The following PEG3 variants were observed in gnomAD, a reference collection of about 807,000 sequenced individuals.
PEG3 encodes paternally-expressed gene 3 protein.
In PEG3, 23 loss-of-function variants were observed where a neutral mutation model predicts 35.5. That is an observed-to-expected ratio of 0.65 (90% confidence interval 0.47 to 0.92). PEG3 has a LOEUF of 0.92. Among genes scored for constraint, PEG3 ranks in the 40% least tolerant of loss-of-function variants. PEG3 has a pLI of 0.00. For synonymous variants in PEG3, 707 were observed against 697.0 expected, an observed-to-expected ratio of 1.01 and a Z score of -0.23; for missense variants, 1,960 against 1,985.3, an observed-to-expected ratio of 0.99 and a Z score of 0.24.
chr19:56,821,297 G>A (rs981184351), intron 7 of PEG3, among the ~76,000 whole-genome samples: 1 of 152,220 alleles, frequency 6.6e-6, no homozygotes, highest in Non-Finnish European at 1.5e-5. Flanking sequence ...TCCCTGGCCA[G>A]TCTACTCTGC....
rs1358248416 is a variant in PEG3, at chr19:56,817,186, C to T, written c.1256G>A (p.Gly419Asp). The change falls in exon 10 of 10, where the codon GGT (glycine) becomes GAT (aspartate). Residue 419 changes from glycine (G) to aspartate (D), a missense_variant. Gly to Asp is a moderately conservative substitution (Grantham distance 94). This residue lies in a region of PEG3 where 613 missense variants were observed against 577.1 expected (regional missense o/e 1.06). Transcript: ENST00000326441. ...GCTCATGGCTTTTCTCATCTCACTA[C>T]CACATTCAAAGGGCTTCTTCCTGGG... is the stretch of plus-strand genomic sequence containing the variant. ...GCPRKKPFEC[G>D]SEMRKAMSVS... 3.7e-6 allele frequency: 6 copies of T among 1,614,116 alleles called. No homozygotes were observed. Among genetic ancestry groups the T allele is most frequent in the Non-Finnish European group, 5.1e-6 (6 of 1,180,060 alleles).
rs35563894 is a variant in PEG3, at chr19:56,813,201, C to CA, written c.*473dup. The CA allele has an allele frequency of 0.024, 20,378 of 834,092 alleles. 63 individuals carry two copies. The highest frequency in any genetic ancestry group is 0.057 in the African/African-American group (3,034 of 53,308). The allele number at this position is 834,092 out of a possible 1,614,324, so 51.7% of individuals were successfully genotyped here. A position where few individuals can be genotyped will look rare whatever the true frequency, so the allele number is the denominator to read the frequency against. The stretch of plus-strand genomic sequence containing the variant: ...CAAATTTGTTGCTCTCTTCCTCCTC[C>CA]AAAAAAAAAAAAAATTCAAAGAATA... On this transcript the variant is annotated 3_prime_UTR_variant, in exon 10 of 10. Transcript: ENST00000326441.
At chr19:56,824,177 G>T in intron 4 of PEG3, 85 bp downstream of exon 4, 1 of 1,550,780 alleles carries the variant, frequency 6.4e-7, no homozygotes, top group South Asian at 1.2e-5. Flanking sequence ...ATCCAGTCCA[G>T]ACCATGTCAG....
At position 56,814,404 on chromosome 19, in the gene PEG3, G is replaced by A. The variant is rs779210073; in HGVS notation, c.4038C>T (p.Val1346=). ...GATGAAGCTCCTTATGTTTAGTGAG[G>A]ACTGTGCTATGAATAAAGGACTTAC... is the stretch of plus-strand genomic sequence containing the variant. ...DCGKSFIHST[V]LTKHKELHLE... is the part of the protein sequence containing the mutation. The change falls in exon 10 of 10, where the codon GTC becomes GTT. Residue 1346 remains valine, a synonymous_variant. Transcript: ENST00000326441. The surrounding 1 kb of genome is among the most constrained non-coding windows in gnomAD (Gnocchi z 5.8). The A allele has an allele frequency of 6.2e-7, 1 of 1,613,880 alleles. No homozygotes were observed. Among genetic ancestry groups the A allele is most frequent in the Non-Finnish European group, 8.5e-7 (1 of 1,179,896 alleles).
chr19:56,816,600 A>G lies in PEG3; in HGVS notation c.1842T>C (p.Leu614=), dbSNP rs1600939576. The G allele has an allele frequency of 6.2e-7, 1 of 1,613,970 alleles. No homozygotes were observed. The highest frequency in any genetic ancestry group is 8.5e-7 in the Non-Finnish European group (1 of 1,179,940). The stretch of plus-strand genomic sequence containing the variant: ...TACCATACATTTTCTGAAACTCATT[A>G]AGGGCTGGGCTGGGCCTAAAGGTTT... ...RGETFRPSPA[L]NEFQKMYGKE... is the part of the protein sequence containing the mutation. The change falls in exon 10 of 10, where the codon CTT becomes CTC. Residue 614 remains leucine, a synonymous_variant. Coordinates refer to ENST00000326441, the MANE Select transcript of PEG3 (RefSeq NM_006210.3).
chr19:56,831,026 A>T (rs1244105438), intron 2 of PEG3, among the ~76,000 whole-genome samples: 1 of 152,240 alleles, frequency 6.6e-6, no homozygotes, highest in Admixed American at 6.5e-5. Flanking sequence ...TATCACATTT[A>T]AAAAGCTCCT....
At position 56,817,758 on chromosome 19, in the gene PEG3, T is replaced by G. The variant is rs764998224; in HGVS notation, c.850A>C (p.Ser284Arg). Residue 284 changes from serine to arginine, a missense_variant, in exon 9 of 10, where the codon AGC (serine) becomes CGC (arginine). Physicochemically the swap from Ser to Arg is moderately radical, Grantham distance 110. Transcript: ENST00000326441. ...SSRSKRSAYP[S>R]TSRGLKTMPE... is the part of the protein sequence containing the mutation. ...GCCTCCTGCTTACCTCGACTGGTGC[T>G]TGGGTAGGCACTTCTCTTGGATCTT... The G allele has an allele frequency of 1.2e-6, 2 of 1,614,034 alleles. No homozygotes were observed. Among genetic ancestry groups the G allele is most frequent in the African/African-American group, 1.3e-5 (1 of 75,054 alleles).
In PEG3 at chr19:56,824,297, A is replaced by G; in HGVS notation, c.359T>C (p.Leu120Pro). Residue 120 changes from leucine (L) to proline (P), a missense_variant, in exon 4 of 10, where the codon CTG (leucine) becomes CCG (proline). Coordinates refer to ENST00000326441, the MANE Select transcript of PEG3 (RefSeq NM_006210.3). Reference sequence around the variant, plus strand: ...GTACATCTCCTTGTAATTCTCCAGCAGAGTGACGAGCTTCTCACAGTTCTC... The same window carrying G: ...GTACATCTCCTTGTAATTCTCCAGCGGAGTGACGAGCTTCTCACAGTTCTC... ...KPENCEKLVTLLENYKEMYQP... is the reference protein window; with the variant it reads ...KPENCEKLVTPLENYKEMYQP... 6.2e-7 allele frequency: 1 copy of G among 1,614,086 alleles called. No individual in the cohort carries two copies. The highest frequency in any genetic ancestry group is 8.5e-7 in the Non-Finnish European group (1 of 1,180,030).
At chr19:56,826,577 A>G (rs1278746107) in intron 2 of PEG3, 114 bp from the exon 3 acceptor site, 2 of 152,252 alleles carry the variant, frequency 1.3e-5, no homozygotes, top group Admixed American at 6.5e-5. Context: ...CACTGGGGTG[A>G]TGCCTTCTAT....
At chr19:56,837,270 T>A (rs2062251982) in intron 1 of PEG3, among the ~76,000 whole-genome samples, 1 of 151,972 alleles carries the variant, frequency 6.6e-6, no homozygotes, top group Non-Finnish European at 1.5e-5. Flanking sequence ...CACCCCCACC[T>A]GCCCAGGGCA....
At position 56,810,206 on chromosome 19, in the gene PEG3, C is replaced by T. The variant is rs2146059324; in HGVS notation, c.*3469G>A. ...AAAATATATCAAGATGTTAACCACA[C>T]TCTTTGGATGGTGAAAACATGGGTG... On this transcript the variant is annotated 3_prime_UTR_variant, in exon 10 of 10. Coordinates refer to ENST00000326441, the MANE Select transcript of PEG3 (RefSeq NM_006210.3). 2.0e-6 allele frequency: 2 copies of T among 982,242 alleles called. No homozygotes were observed. Among genetic ancestry groups the T allele is most frequent in the South Asian group, 9.4e-5 (2 of 21,222 alleles). The allele number at this position is 982,242 out of a possible 1,614,324, so 60.8% of individuals were successfully genotyped here. A position where few individuals can be genotyped will look rare whatever the true frequency, so the allele number is the denominator to read the frequency against.
At chr19:56,832,474 A>G (rs990911349) in intron 2 of PEG3, among the ~76,000 whole-genome samples, 7 of 152,250 alleles carry the variant, frequency 4.6e-5, no homozygotes, top group African/African-American at 1.4e-4. Context: ...ACTCTGGCCC[A>G]CAGGGCAAAC....
chr19:56,824,489 T>C lies in PEG3; in HGVS notation c.167A>G (p.Glu56Gly), dbSNP rs1371143138. Residue 56 changes from glutamate to glycine, a missense_variant, in exon 4 of 10, where the codon GAA becomes GGA. Physicochemically the swap from Glu to Gly is moderately conservative, Grantham distance 98 (BLOSUM62 -2). This residue lies in a region of PEG3 where 613 missense variants were observed against 577.1 expected (regional missense o/e 1.06). Transcript: ENST00000326441. Reference sequence around the variant, plus strand: ...CAGGGTCTTCCGAGGCCCAACAAATTCCACATAGATTAGGTTCCGAAACCT... The same window carrying C: ...CAGGGTCTTCCGAGGCCCAACAAATCCCACATAGATTAGGTTCCGAAACCT... The part of the protein sequence containing the change: ...HQRFRNLIYV[E>G]FVGPRKTLIK... The C allele has an allele frequency of 1.2e-6, 2 of 1,613,908 alleles. No individual in the cohort carries two copies. The highest frequency in any genetic ancestry group is 1.7e-6 in the Non-Finnish European group (2 of 1,180,018).
At position 56,824,702 on chromosome 19, in the gene PEG3, G is replaced by A. The variant is rs780221394; in HGVS notation, c.-47C>T. 6.5e-7 allele frequency: 1 copy of A among 1,533,920 alleles called. No homozygotes were observed. Among genetic ancestry groups the A allele is most frequent in the East Asian group, 2.3e-5 (1 of 44,200 alleles). On this transcript the variant is annotated 5_prime_UTR_variant, in exon 4 of 10. Transcript: ENST00000326441. ...TGGAGGAACCAAACATGAGTCAACA[G>A]GAAAGACGCGGCAGCCTGTGACCGT...
chr19:56,822,879 C>T (rs1484166417), intron 5 of PEG3, 43 bp from the exon 6 acceptor site: 1 of 1,594,794 alleles, frequency 6.3e-7, no homozygotes, highest in Admixed American at 1.7e-5. Context: ...AGCTCTTTGA[C>T]ACACCTGTTT....
Position 56,817,297 on chromosome 19 carries a change from A to C in PEG3, c.1145T>G (p.Val382Gly). ...TCTTTCAAGAACTCTCTTTCTGGAA[A>C]CAAGGGTTGAATTAAACCTAAAGCC... ...RGGFRFNSTL[V>G]SRKRVLERKR... Residue 382 changes from valine to glycine, a missense_variant, in exon 10 of 10, where the codon GTT (valine) becomes GGT (glycine). Val to Gly is a moderately radical substitution (Grantham distance 109). Coordinates refer to ENST00000326441, the MANE Select transcript of PEG3 (RefSeq NM_006210.3). 1 of 1,614,150 alleles carries C rather than the reference A, an allele frequency of 6.2e-7. No individual in the cohort carries two copies. Among genetic ancestry groups the C allele is most frequent in the Non-Finnish European group, 8.5e-7 (1 of 1,180,030 alleles).
At chr19:56,831,464 G>A (rs922484247) in intron 2 of PEG3, among the ~76,000 whole-genome samples, 31 of 152,170 alleles carry the variant, frequency 2.0e-4, no homozygotes, top group African/African-American at 6.3e-4. Flanking sequence ...GGCCTTTGAC[G>A]TTAGGAAAGG....
chr19:56,813,172 T>G lies in PEG3; in HGVS notation c.*503A>C. 1.0e-6 allele frequency: 1 copy of G among 980,100 alleles called. No homozygotes were observed. The highest frequency in any genetic ancestry group is 1.2e-6 in the Non-Finnish European group (1 of 827,452). 60.7% of individuals were successfully genotyped at this position (980,100 alleles called of 1,614,324 possible). A position where few individuals can be genotyped will look rare whatever the true frequency, so the allele number is the denominator to read the frequency against. On this transcript the variant is annotated 3_prime_UTR_variant, in exon 10 of 10. Transcript: ENST00000326441. ...TCAGGATCTAAGACACTTAAAAATA[T>G]AATCAAATTTGTTGCTCTCTTCCTC...
chr19:56,814,305 A>G lies in PEG3; in HGVS notation c.4137T>C (p.His1379=), dbSNP rs2059771203. The change falls in exon 10 of 10, where the codon CAT becomes CAC. Residue 1379 remains histidine (H), a synonymous_variant. Coordinates refer to ENST00000326441, the MANE Select transcript of PEG3 (RefSeq NM_006210.3). This position sits in a 1 kb window ranked among gnomAD's most constrained non-coding sequence, Gnocchi z 5.8. ...AAAQEVEANV[H]VPQVVLRIQG... The stretch of plus-strand genomic sequence containing the variant: ...GAATCCTCAGAACTACTTGTGGAAC[A>G]TGGACATTGGCTTCAACTTCCTGGG... 6.2e-7 allele frequency: 1 copy of G among 1,613,986 alleles called. No individual in the cohort carries two copies. The highest frequency in any genetic ancestry group is 1.3e-5 in the African/African-American group (1 of 74,922).
Sources: allele counts gnomAD v4.1 joint callset (sites outside exome capture counted in the v4.1 genomes callset), GRCh38; gene constraint gnomAD v4.1.1; regional missense constraint gnomAD v4.1.1; non-coding constraint Gnocchi (gnomAD v3.1); transcripts MANE v1.5; gene names NCBI Gene and HGNC (gene_info 2026-07-23, HGNC 2026-07-21).